The following ERICH3 variants were observed in gnomAD, a reference collection of about 807,000 sequenced individuals.
ERICH3 encodes the protein glutamate rich 3.
In ERICH3, 126 loss-of-function variants were observed where a neutral mutation model predicts 131.1. The ratio of observed to expected loss-of-function variants is 0.96; its 90% CI spans 0.83 to 1.11. The LOEUF (loss-of-function observed/expected upper bound fraction) is 1.11. Ranked by LOEUF, ERICH3 falls within the 50% of genes most tolerant of loss-of-function variation. The probability of loss-of-function intolerance (pLI) is 0.00; values close to 1 mark genes in which losing one functional copy is unlikely to be tolerated. For missense variants in ERICH3, 2,050 were observed against 1,810.7 expected (o/e 1.13, Z -2.40); for synonymous variants, 695 against 644.6 (o/e 1.08, Z -1.18).
chr1:74,621,561 A>G (rs543508223), intron 7 of ERICH3: 2 of 152,292 alleles, frequency 1.3e-5, no homozygotes, highest in South Asian at 4.1e-4. Flanking sequence ...TCCAATATCA[A>G]TATTGTTTAT....
intron 7 of ERICH3, chr1:74,621,565 T>A (rs1649222603): frequency 6.6e-6 from 1 of 152,180 alleles, no homozygotes; most frequent in Non-Finnish European, 1.5e-5. Context: ...ATATCAATAT[T>A]GTTTATAGTA....
intron 4 of ERICH3, among the ~76,000 whole-genome samples, chr1:74,642,433 A>T (rs938992663): frequency 1.3e-5 from 2 of 152,128 alleles, no homozygotes; most frequent in African/African-American, 4.8e-5. Context: ...GCCAACCTAA[A>T]TGGAAATCTT....
rs547343006 is a variant in ERICH3, at chr1:74,573,147, C to A, written c.2563G>T (p.Gly855Trp). 6.2e-7 allele frequency: 1 copy of A among 1,612,918 alleles called. No homozygotes were observed. Among genetic ancestry groups the A allele is most frequent in the Non-Finnish European group, 8.5e-7 (1 of 1,179,466 alleles). The change falls in exon 14 of 15, where the codon GGG becomes TGG. Residue 855 changes from glycine (G) to tryptophan (W), a missense_variant. Transcript: ENST00000326665. ...AEGVRRLGEGGSDPIGQAAAK... is the reference protein window; with the variant it reads ...AEGVRRLGEGWSDPIGQAAAK... ...GCTGCTTGTCCTATGGGGTCTGACC[C>A]CCCTTCACCCAGCCTTCTGACCCCT... is the stretch of plus-strand genomic sequence containing the variant.
intron 6 of ERICH3, among the ~76,000 whole-genome samples, chr1:74,635,030 C>T (rs566071466): frequency 4.8e-4 from 73 of 152,188 alleles, no homozygotes; most frequent in Non-Finnish European, 9.6e-4. Flanking sequence ...GAATAAATAG[C>T]CCCTGAATAT....
At position 74,572,661 on chromosome 1, in the gene ERICH3, T is replaced by A. The variant is rs1490236712; in HGVS notation, c.3049A>T (p.Ser1017Cys). ...QVSEGSPEEG[S>C]LAKEAFLCKE... ...CAAAGGAAGGCTTCCTTTGCAAGGC[T>A]TCCTTCCTCAGGGCTGCCCTCCGAA... Residue 1017 changes from serine to cysteine, a missense_variant, in exon 14 of 15, where the codon AGC becomes TGC. Ser to Cys is a moderately radical substitution (Grantham distance 112, BLOSUM62 -1). Coordinates refer to ENST00000326665, the MANE Select transcript of ERICH3 (RefSeq NM_001002912.5). 5 of 1,613,884 alleles carry A rather than the reference T, an allele frequency of 3.1e-6. No individual in the cohort carries two copies. Among genetic ancestry groups the A allele is most frequent in the Non-Finnish European group, 4.2e-6 (5 of 1,179,994 alleles).
At chr1:74,629,240 A>C (rs1376266067) in intron 7 of ERICH3, among the ~76,000 whole-genome samples, 1 of 152,120 alleles carries the variant, frequency 6.6e-6, no homozygotes, top group Non-Finnish European at 1.5e-5. Flanking sequence ...ATTGAAAAAA[A>C]AAACCTCTCA....
At chr1:74,642,134 G>A (rs61776660) in intron 4 of ERICH3, among the ~76,000 whole-genome samples, 9 of 151,920 alleles carry the variant, frequency 5.9e-5, no homozygotes, top group Non-Finnish European at 1.2e-4. Context: ...TGGCAAAGTT[G>A]GATTAACCAC....
chr1:74,593,576 T>C (rs780520152), intron 11 of ERICH3, among the ~76,000 whole-genome samples: 3 of 152,172 alleles, frequency 2.0e-5, no homozygotes, highest in Non-Finnish European at 2.9e-5. Flanking sequence ...ACATCATACA[T>C]GTAGCATATT....
chr1:74,599,930 C>T lies in ERICH3; in HGVS notation c.1491G>A (p.Glu497=), dbSNP rs762298024. The T allele has an allele frequency of 2.5e-6, 4 of 1,597,770 alleles. No individual in the cohort carries two copies. The highest frequency in any genetic ancestry group is 3.5e-5 in the Admixed American group (2 of 57,672). ...CATCTACTTCAAAGTCTTCTTCATA[C>T]TCTGAAATAGGAAAATCTCCACTAT... The part of the protein sequence containing the change: ...EDDQENTLKY[E]YEEDFEVDEE... Residue 497 remains glutamate (E), a splice_region_variant and synonymous_variant, in exon 11 of 15, where the codon GAG becomes GAA. Transcript: ENST00000326665.
chr1:74,614,335 T>G (rs2100600056), intron 8 of ERICH3, among the ~76,000 whole-genome samples: 1 of 149,652 alleles, frequency 6.7e-6, no homozygotes, highest in East Asian at 2.0e-4. Context: ...TTTCAGTTAT[T>G]TAGAAACACT....
intron 1 of ERICH3, among the ~76,000 whole-genome samples, chr1:74,651,046 C>G (rs1198478468): frequency 6.6e-6 from 1 of 152,046 alleles, no homozygotes. Context: ...TTACTGGCAA[C>G]AAAGTTTTAT....
intron 8 of ERICH3, chr1:74,615,193 ATTT>A (rs1648903405): frequency 6.6e-6 from 1 of 152,094 alleles, no homozygotes; most frequent in Non-Finnish European, 1.5e-5. Context: ...TTATTTTTGT[ATTT>A]TAAATACAGT....
In ERICH3 at chr1:74,654,368, ATG is replaced by A. The variant is rs1183402428; in HGVS notation, c.24-5055_24-5054del. ...CTGTAGGATATGTGTATATATATAT[ATG>A]TATGTATATATGTATATCCTACAGT... On this transcript the variant is annotated intron_variant, in intron 1 of 14. Coordinates refer to ENST00000326665, the MANE Select transcript of ERICH3 (RefSeq NM_001002912.5). Among the ~76,000 whole-genome samples the A allele has an allele frequency of 9.2e-3, 1,388 of 151,588 alleles. 31 individuals are homozygous for A. The highest frequency in any genetic ancestry group is 0.032 in the African/African-American group (1,322 of 41,218).
chr1:74,602,780 T>C (rs1472367660), intron 10 of ERICH3, among the ~76,000 whole-genome samples: 2 of 151,944 alleles, frequency 1.3e-5, no homozygotes, highest in African/African-American at 4.8e-5. Context: ...AAAGCTTTCA[T>C]TGAACATGAC....
chr1:74,571,037 G>A, intron 14 of ERICH3, 62 bp downstream of exon 14: 1 of 1,533,678 alleles, frequency 6.5e-7, no homozygotes, highest in Non-Finnish European at 8.7e-7. Flanking sequence ...CCAGCCCCAA[G>A]GGGAGGAGAC....
chr1:74,647,181 C>A lies in ERICH3; in HGVS notation c.118-389G>T, dbSNP rs187803820. ...TAAAACAAGATTTTCATCACAGTAA[C>A]AATTTTCCCTTGATGGAACCCAGGT... On this transcript the variant is annotated intron_variant, in intron 2 of 14. Coordinates refer to ENST00000326665, the MANE Select transcript of ERICH3 (RefSeq NM_001002912.5). 1.8e-4 allele frequency among the ~76,000 whole-genome samples: 28 copies of A among 152,182 alleles called. No individual in the cohort carries two copies. The East Asian group carries it at 5.0e-3, about 27-fold the overall frequency.
intron 11 of ERICH3, among the ~76,000 whole-genome samples, chr1:74,594,999 A>C (rs929946044): frequency 1.3e-5 from 2 of 152,144 alleles, no homozygotes; most frequent in African/African-American, 4.8e-5. Flanking sequence ...CGTGGATCCC[A>C]ACCCAGTGGA....
At chr1:74,570,879 G>T (rs189004149) in intron 14 of ERICH3, among the ~76,000 whole-genome samples, 5 of 152,188 alleles carry the variant, frequency 3.3e-5, no homozygotes, top group African/African-American at 9.6e-5. Flanking sequence ...AATATGACTT[G>T]CCACACCGGG....
chr1:74,656,119 G>A (rs897689915), intron 1 of ERICH3, among the ~76,000 whole-genome samples: 4 of 152,138 alleles, frequency 2.6e-5, no homozygotes, highest in African/African-American at 9.7e-5. Context: ...CACTGAAAAA[G>A]TTATCTGGGT....
Sources: allele counts gnomAD v4.1 joint callset (sites outside exome capture counted in the v4.1 genomes callset), GRCh38; gene constraint gnomAD v4.1.1; transcripts MANE v1.5; gene names NCBI Gene and HGNC (gene_info 2026-07-23, HGNC 2026-07-21).